RBFOX2: variants seen among roughly 807,000 people sequenced by gnomAD.
RBFOX2 encodes the protein RNA binding protein fox-1 homolog 2.
In RBFOX2, 10 loss-of-function variants were observed where a neutral mutation model predicts 49.1. The observed-to-expected ratio is 0.20, with a 90% CI of 0.13 to 0.35. The LOEUF (loss-of-function observed/expected upper bound fraction) is 0.35. RBFOX2 is among the 10% of genes least tolerant of loss of function. The pLI is 1.00. For synonymous variants in RBFOX2, 183 were observed against 187.4 expected (o/e 0.98, Z 0.19); for missense variants, 323 against 486.9 (o/e 0.66, Z 3.17).
intron 1 of RBFOX2, among the ~76,000 whole-genome samples, chr22:36,014,530 C>T (rs992275513): frequency 1.3e-5 from 2 of 152,050 alleles, no homozygotes; most frequent in African/African-American, 4.8e-5. Context: ...TCTTTAAGCT[C>T]GGGGATACCA....
intron 1 of RBFOX2, among the ~76,000 whole-genome samples, chr22:36,015,335 C>A (rs573620989): frequency 1.3e-5 from 2 of 152,316 alleles, no homozygotes; most frequent in South Asian, 4.1e-4. Flanking sequence ...ACTCTGCATT[C>A]TTTTAAACAA....
intron 1 of RBFOX2, among the ~76,000 whole-genome samples, chr22:35,873,288 C>T (rs886154949): frequency 5.9e-5 from 9 of 152,048 alleles, no homozygotes; most frequent in Admixed American, 1.3e-4. Context: ...TGTACCACCA[C>T]GCCCAGCTGA....
At chr22:35,981,439 C>T (rs999662981) in intron 1 of RBFOX2, among the ~76,000 whole-genome samples, 2 of 152,040 alleles carry the variant, frequency 1.3e-5, no homozygotes, top group African/African-American at 2.4e-5. Flanking sequence ...GCCAGGAGTT[C>T]GAGACCAGCC....
At position 35,858,777 on chromosome 22, in the gene RBFOX2, G is replaced by T. The variant is rs149017697; in HGVS notation, c.-33-48773C>A. ...GGAGGCGGAGGTGGCAGTGAACCGA[G>T]ATCGTGCCACTGCACTCCAGCCTGG... On this transcript the variant is annotated intron_variant, in intron 1 of 13. Coordinates refer to the RBFOX2 transcript ENST00000359369. Among the ~76,000 whole-genome samples, 1,363 of 143,610 alleles carry T rather than the reference G, an allele frequency of 9.5e-3. 20 individuals are homozygous for T. Among genetic ancestry groups the T allele is most frequent in the African/African-American group, 0.034 (1,311 of 38,410 alleles). 94.2% of individuals were successfully genotyped at this position (143,610 alleles called of 152,430 possible).
chr22:35,756,781 C>T (rs1937094686), intron 9 of RBFOX2, among the ~76,000 whole-genome samples: 1 of 151,918 alleles, frequency 6.6e-6, no homozygotes, highest in African/African-American at 2.4e-5. Context: ...TATTATTATT[C>T]AGCATTTTAA....
chr22:35,973,670 T>C (rs780899841), intron 1 of RBFOX2, among the ~76,000 whole-genome samples: 1 of 152,212 alleles, frequency 6.6e-6, no homozygotes, highest in Non-Finnish European at 1.5e-5. Flanking sequence ...TCTGCTCTTA[T>C]CTGGAGCCAA....
At chr22:35,982,097 C>A (rs2150065922) in intron 1 of RBFOX2, among the ~76,000 whole-genome samples, 1 of 152,260 alleles carries the variant, frequency 6.6e-6, no homozygotes, top group East Asian at 1.9e-4. Flanking sequence ...TCTCTCCATG[C>A]AGGTGGGCAA....
chr22:35,910,406 A>C (rs1210737661), intron 1 of RBFOX2, among the ~76,000 whole-genome samples: 1 of 152,244 alleles, frequency 6.6e-6, no homozygotes, highest in African/African-American at 2.4e-5. Context: ...TCATAGGAAG[A>C]AAACAAGCTA....
At chr22:35,880,042 G>C (rs937297719) in intron 1 of RBFOX2, among the ~76,000 whole-genome samples, 3 of 152,138 alleles carry the variant, frequency 2.0e-5, no homozygotes, top group African/African-American at 7.2e-5. Flanking sequence ...TGTAATCCCA[G>C]CTACTCAGGT....
chr22:35,763,516 C>T lies in RBFOX2; in HGVS notation c.607+1907G>A, dbSNP rs183824022. 5.9e-5 allele frequency among the ~76,000 whole-genome samples: 9 copies of T among 152,226 alleles called. No homozygotes were observed. In the East Asian group the frequency reaches 1.2e-3, roughly 20 times the overall value. On this transcript the variant is annotated intron_variant, in intron 6 of 11. Coordinates refer to ENST00000405409, the Ensembl canonical transcript of RBFOX2. The stretch of plus-strand genomic sequence containing the variant: ...AGTGGAGGTTGCAGTGAGCTGAGAT[C>T]GCACCACTGTACTCCAGCCTAGGTG...
chr22:35,746,628 C>T (rs1602033154), intron 9 of RBFOX2, 67 bp from the exon 12 acceptor site: 2 of 979,354 alleles, frequency 2.0e-6, no homozygotes, highest in African/African-American at 1.7e-5. Context: ...AAACACACAC[C>T]CGCCCACACA....
At chr22:35,822,673 G>A (rs1954775878) in intron 1 of RBFOX2, 1 of 363,370 alleles carries the variant, frequency 2.8e-6, no homozygotes, top group Admixed American at 3.9e-5. Flanking sequence ...CTAGCAAAGT[G>A]CAGAATGCCC....
At chr22:35,808,256 G>A (rs5750178) in intron 2 of RBFOX2, among the ~76,000 whole-genome samples, 33,831 of 151,946 alleles carry the variant, frequency 0.22, 5,718 homozygotes, top group African/African-American at 0.48. Context: ...TGAAAGTCTC[G>A]TTTGTTACCT....
intron 4 of RBFOX2, among the ~76,000 whole-genome samples, chr22:35,772,488 A>T (rs1165254901): frequency 1.3e-5 from 2 of 152,086 alleles, no homozygotes; most frequent in African/African-American, 2.4e-5. Context: ...TCTGGTGTCC[A>T]TTTTACCCTT....
chr22:36,011,085 T>C (rs925225167), intron 1 of RBFOX2, among the ~76,000 whole-genome samples: 4 of 152,208 alleles, frequency 2.6e-5, no homozygotes, highest in African/African-American at 9.7e-5. Flanking sequence ...GATGTCATCA[T>C]GAATAAAACT....
At chr22:35,877,488 G>GT (rs966653760) in intron 1 of RBFOX2, among the ~76,000 whole-genome samples, 1 of 152,152 alleles carries the variant, frequency 6.6e-6, no homozygotes, top group Non-Finnish European at 1.5e-5. Flanking sequence ...CCACTCAGGA[G>GT]TACAACAGAC....
At chr22:35,881,900 A>G (rs1253120472) in intron 1 of RBFOX2, among the ~76,000 whole-genome samples, 1 of 151,768 alleles carries the variant, frequency 6.6e-6, no homozygotes, top group Non-Finnish European at 1.5e-5. Flanking sequence ...CAGAGGTTGC[A>G]GTGAGCCAAG....
At chr22:35,744,648 AT>A (rs1185103475) in intron 11 of RBFOX2, among the ~76,000 whole-genome samples, 2 of 152,182 alleles carry the variant, frequency 1.3e-5, no homozygotes, top group African/African-American at 4.8e-5. Context: ...CTTCTCACAT[AT>A]GACCCATCGG....
At chr22:35,805,215 G>T (rs1250610386) in intron 2 of RBFOX2, among the ~76,000 whole-genome samples, 15 of 150,944 alleles carry the variant, frequency 9.9e-5, no homozygotes, top group African/African-American at 3.4e-4. Flanking sequence ...GCGTGAACCC[G>T]GGAGGCGGAG....
Sources: allele counts gnomAD v4.1 joint callset (sites outside exome capture counted in the v4.1 genomes callset), GRCh38; gene constraint gnomAD v4.1.1; transcripts MANE v1.5; gene names NCBI Gene and HGNC (gene_info 2026-07-23, HGNC 2026-07-21).